SSUH2: variants seen among roughly 807,000 people sequenced by gnomAD.
The protein encoded by SSUH2 is ssu-2 homolog.
SSUH2 carries 47 observed loss-of-function variants against 55.3 expected under a neutral mutation model. The ratio of observed to expected loss-of-function variants is 0.85; its 90% CI spans 0.67 to 1.08. The LOEUF is 1.08. Among genes scored for constraint, SSUH2 ranks in the 50% least tolerant of loss-of-function variants. The pLI is 0.00. For synonymous variants in SSUH2, 212 were observed against 191.5 expected, an observed-to-expected ratio of 1.11 and a Z score of -0.89; for missense variants, 535 against 490.7, an observed-to-expected ratio of 1.09 and a Z score of -0.85.
chr3:8,644,849 C>T (rs941688063), upstream of SSUH2: 4 of 1,070,880 alleles, frequency 3.7e-6, no homozygotes, highest in Non-Finnish European at 5.5e-6. Flanking sequence ...CCTCCCAGAA[C>T]AGCAGGCCCA....
At chr3:8,657,452 G>A (rs1211181686) in intron 7 of SSUH2, among the ~76,000 whole-genome samples, 2 of 151,778 alleles carry the variant, frequency 1.3e-5, no homozygotes, top group Non-Finnish European at 2.9e-5. Context: ...GCATGACATG[G>A]ACACGTGGAA....
intron 4 of SSUH2, among the ~76,000 whole-genome samples, chr3:8,632,348 A>T (rs994158790): frequency 2.0e-5 from 3 of 152,238 alleles, no homozygotes; most frequent in African/African-American, 7.2e-5. Flanking sequence ...ACTAGAGCTA[A>T]TTCAGTTCCC....
chr3:8,679,634 A>C lies in SSUH2; in HGVS notation c.-901+71T>G, dbSNP rs796348304. The C allele has an allele frequency of 1.6e-3, 264 of 162,216 alleles. 21 individuals carry two copies. Among genetic ancestry groups the C allele is most frequent in the Middle Eastern group, 7.5e-3 (2 of 266 alleles). 10.0% of individuals were successfully genotyped at this position (162,216 alleles called of 1,614,324 possible). A position where few individuals can be genotyped will look rare whatever the true frequency, so the allele number is the denominator to read the frequency against. On this transcript the variant is annotated intron_variant, in intron 2 of 18. Coordinates refer to the SSUH2 transcript ENST00000317371. ...GGAGGCACCCCCGGTGAGGCGGGGAATGAGAGCCAGTGCCTCTTCCCCCCC... is the reference window on the plus strand; with the variant it reads ...GGAGGCACCCCCGGTGAGGCGGGGACTGAGAGCCAGTGCCTCTTCCCCCCC...
chr3:8,678,932 CCA>C lies in SSUH2; in HGVS notation c.-901+771_-901+772del, dbSNP rs1222020225. On this transcript the variant is annotated intron_variant, in intron 2 of 18. Coordinates refer to the SSUH2 transcript ENST00000317371. ...CCGCCAGGCGGGGACTGAGAGCCAG[CCA>C]CTCTTCCCCTCCTGGCTCTTGGGAC... 2.8e-4 allele frequency among the ~76,000 whole-genome samples: 31 copies of C among 110,756 alleles called. 8 individuals are homozygous for C. The highest frequency in any genetic ancestry group is 6.0e-4 in the Non-Finnish European group (29 of 48,100). The allele number at this position is 110,756 out of a possible 152,430, so 72.7% of individuals were successfully genotyped here.
upstream of SSUH2, chr3:8,644,825 A>G: frequency 1.4e-6 from 2 of 1,403,258 alleles, no homozygotes; most frequent in Non-Finnish European, 1.9e-6. Context: ...GCTCTGATGG[A>G]CCACCCTCAG....
At chr3:8,679,075 G>A (rs1336968342) in intron 2 of SSUH2, among the ~76,000 whole-genome samples, 1 of 107,850 alleles carries the variant, frequency 9.3e-6, no homozygotes, top group Non-Finnish European at 2.1e-5. Context: ...CCCGCGAGGC[G>A]GGGACTGAGA....
In SSUH2 at chr3:8,623,584, C is replaced by T. The variant is rs368319056; in HGVS notation, c.946G>A (p.Ala316Thr). Reference protein sequence around the residue: ...ASQRGIAEHSAALASRARVLQ... With the variant: ...ASQRGIAEHSTALASRARVLQ... ...ACGCGGGCACGGGAGGCCAAGGCAG[C>T]GCTGTGCTCTGCAATGCCCCTCTGG... is the stretch of plus-strand genomic sequence containing the variant. The change falls in exon 11 of 12, where the codon GCT becomes ACT. Residue 316 changes from alanine to threonine, a missense_variant. By Grantham distance (58) the Ala-to-Thr change is moderately conservative (BLOSUM62 0). Coordinates refer to ENST00000544814, the MANE Select transcript of SSUH2 (RefSeq NM_001256748.3). 29 of 1,550,296 alleles carry T rather than the reference C, an allele frequency of 1.9e-5. No individual in the cohort carries two copies. The African/African-American group carries it at 2.3e-4, about 12-fold the overall frequency.
chr3:8,645,362 C>T (rs1701544574), upstream of SSUH2, among the ~76,000 whole-genome samples: 1 of 152,204 alleles, frequency 6.6e-6, no homozygotes, highest in African/African-American at 2.4e-5. Context: ...GAGCTGGCTC[C>T]CAACCCAGCC....
chr3:8,663,477 G>T (rs1703695238), intron 6 of SSUH2, among the ~76,000 whole-genome samples: 1 of 149,252 alleles, frequency 6.7e-6, no homozygotes, highest in South Asian at 2.2e-4. Context: ...GGCTTTGTGA[G>T]AAACAAACAC....
At chr3:8,624,871 C>T (rs1697199212) in intron 10 of SSUH2, among the ~76,000 whole-genome samples, 1 of 152,144 alleles carries the variant, frequency 6.6e-6, no homozygotes, top group South Asian at 2.1e-4. Context: ...CTGCCCTCTG[C>T]CAGTCCTCAA....
chr3:8,637,225 G>C (rs1237710260), intron 1 of SSUH2, among the ~76,000 whole-genome samples: 2 of 152,130 alleles, frequency 1.3e-5, no homozygotes. Flanking sequence ...CTTATGATGG[G>C]TGTATTGGGA....
intron 7 of SSUH2, among the ~76,000 whole-genome samples, chr3:8,657,831 C>T (rs1329987438): frequency 6.6e-6 from 1 of 152,258 alleles, no homozygotes; most frequent in Non-Finnish European, 1.5e-5. Flanking sequence ...GAGAACCAGG[C>T]ATGGCGCCAC....
intron 6 of SSUH2, among the ~76,000 whole-genome samples, chr3:8,663,340 C>T (rs111946736): frequency 2.0e-5 from 3 of 152,262 alleles, no homozygotes; most frequent in Non-Finnish European, 4.4e-5. Flanking sequence ...TCACCTACCC[C>T]CTCCTGTCTG....
In SSUH2 at chr3:8,621,578, C is replaced by G. The variant is rs1345736668; in HGVS notation, c.982-1564G>C. On this transcript the variant is annotated intron_variant, in intron 11 of 11. Coordinates refer to ENST00000544814, the MANE Select transcript of SSUH2 (RefSeq NM_001256748.3). ...GTCAGGGCACAAAATTTCCACACAG[C>G]TTTCCATGTGATCTTGTGCTCCAGT... 2.0e-5 allele frequency among the ~76,000 whole-genome samples: 3 copies of G among 152,266 alleles called. No homozygotes were observed. The East Asian group carries it at 5.8e-4, about 29-fold the overall frequency.
At chr3:8,625,029 C>G (rs1274708816) in intron 10 of SSUH2, among the ~76,000 whole-genome samples, 1 of 152,102 alleles carries the variant, frequency 6.6e-6, no homozygotes, top group African/African-American at 2.4e-5. Context: ...CTGCCCCTTA[C>G]CCTGCTTGAA....
intron 2 of SSUH2, 74 bp downstream of exon 2, chr3:8,635,685 T>C (rs2125207878): frequency 7.3e-7 from 1 of 1,364,726 alleles, no homozygotes; most frequent in Non-Finnish European, 9.8e-7. Flanking sequence ...GCACCACCTT[T>C]TTCCCGAGAC....
At chr3:8,637,674 C>A (rs1254603598) in intron 1 of SSUH2, among the ~76,000 whole-genome samples, 1 of 152,176 alleles carries the variant, frequency 6.6e-6, no homozygotes, top group Admixed American at 6.5e-5. Context: ...CACTGGGAGA[C>A]AAGAATCCCT....
chr3:8,631,348 T>C (rs2125158221), intron 5 of SSUH2, among the ~76,000 whole-genome samples: 1 of 152,232 alleles, frequency 6.6e-6, no homozygotes, highest in South Asian at 2.1e-4. Context: ...ATCATCACCA[T>C]CCCCTTCACC....
At chr3:8,656,671 A>C (rs1032637556) in intron 7 of SSUH2, among the ~76,000 whole-genome samples, 1 of 152,178 alleles carries the variant, frequency 6.6e-6, no homozygotes, top group African/African-American at 2.4e-5. Context: ...TCCTCACTAC[A>C]ACCCTGTGAG....
Sources: allele counts gnomAD v4.1 joint callset (sites outside exome capture counted in the v4.1 genomes callset), GRCh38; gene constraint gnomAD v4.1.1; transcripts MANE v1.5; gene names NCBI Gene and HGNC (gene_info 2026-07-23, HGNC 2026-07-21).